The following HLCS variants were observed in gnomAD, a reference collection of about 807,000 sequenced individuals.
HLCS encodes biotin--protein ligase.
In HLCS, 53 loss-of-function variants were observed where a neutral mutation model predicts 75.0. The ratio of observed to expected loss-of-function variants is 0.71; its 90% CI spans 0.57 to 0.89. The LOEUF is 0.89. Ranked by LOEUF, HLCS falls within the 40% of genes least tolerant of loss-of-function variation. The probability of loss-of-function intolerance (pLI) is 0.00; values close to 1 mark genes in which losing one functional copy is unlikely to be tolerated. For missense variants in HLCS, 966 were observed against 1,074.0 expected (o/e 0.90, Z 1.41); for synonymous variants, 431 against 428.6 (o/e 1.01, Z -0.07).
chr21:36,757,646 C>T (rs536294409), intron 9 of HLCS, among the ~76,000 whole-genome samples: 67 of 152,324 alleles, frequency 4.4e-4, no homozygotes, highest in Admixed American at 3.5e-3. Flanking sequence ...ACAGCCTTCC[C>T]GGCAAGTGTC....
chr21:36,813,525 C>G (rs527936119), intron 6 of HLCS, among the ~76,000 whole-genome samples: 1 of 152,154 alleles, frequency 6.6e-6, no homozygotes, highest in Non-Finnish European at 1.5e-5. Flanking sequence ...GTTAAAAGTA[C>G]TGAGAGATTT....
chr21:36,980,302 G>A lies in HLCS; in HGVS notation c.-393+9856C>T, dbSNP rs2069081793. On this transcript the variant is annotated intron_variant, in intron 1 of 11. Transcript: ENST00000336648. The stretch of plus-strand genomic sequence containing the variant: ...AGAGAATTAGCCCGTTTCCAGAAGA[G>A]GCCAAGAACAGATGATACAGCTGAA... 3 of 152,080 alleles carry A rather than the reference G, an allele frequency of 2.0e-5. No individual in the cohort carries two copies. The South Asian group carries it at 6.2e-4, about 31-fold the overall frequency. The allele number at this position is 152,080 out of a possible 1,614,324, so 9.4% of individuals were successfully genotyped here. A position where few individuals can be genotyped will look rare whatever the true frequency, so the allele number is the denominator to read the frequency against.
intron 6 of HLCS, among the ~76,000 whole-genome samples, chr21:36,869,290 A>C (rs1271985953): frequency 1.3e-5 from 2 of 151,836 alleles, no homozygotes; most frequent in Non-Finnish European, 2.9e-5. Context: ...ACGCCCGGCT[A>C]ATCTTCTAAT....
intron 6 of HLCS, among the ~76,000 whole-genome samples, chr21:36,866,444 G>A (rs56054932): frequency 6.6e-6 from 1 of 152,316 alleles, no homozygotes; most frequent in Non-Finnish European, 1.5e-5. Flanking sequence ...TGGCGTAAAA[G>A]ACTGGTGTAA....
Position 36,750,854 on chromosome 21 carries a change from CAAAAG to C in HLCS, c.*3387_*3391del, listed in dbSNP as rs1445035284. 5.3e-5 allele frequency: 8 copies of C among 151,462 alleles called. No individual in the cohort carries two copies. Among genetic ancestry groups the C allele is most frequent in the African/African-American group, 1.2e-4 (5 of 41,242 alleles). The allele number at this position is 151,462 out of a possible 1,614,324, so 9.4% of individuals were successfully genotyped here. A position where few individuals can be genotyped will look rare whatever the true frequency, so the allele number is the denominator to read the frequency against. On this transcript the variant is annotated 3_prime_UTR_variant, in exon 11 of 11. Transcript: ENST00000674895. Reference sequence around the variant, plus strand: ...GAAAAGTCAAGTCAAGAAGTTTCCACAAAAGAAAAGAAAAATCCTAAAAACAATCT... The same window carrying C: ...GAAAAGTCAAGTCAAGAAGTTTCCACAAAAGAAAAATCCTAAAAACAATCT...
chr21:36,848,464 T>C (rs1179335164), intron 6 of HLCS, among the ~76,000 whole-genome samples: 1 of 151,946 alleles, frequency 6.6e-6, no homozygotes, highest in African/African-American at 2.4e-5. Context: ...AGAGGGGATT[T>C]TACCATGTTG....
At chr21:36,796,670 C>T (rs982363237) in intron 6 of HLCS, among the ~76,000 whole-genome samples, 4 of 152,136 alleles carry the variant, frequency 2.6e-5, no homozygotes, top group Non-Finnish European at 5.9e-5. Flanking sequence ...GGGCCACTAA[C>T]AAAGAAGGAA....
At chr21:36,864,124 G>A (rs960194649) in intron 6 of HLCS, among the ~76,000 whole-genome samples, 1 of 152,218 alleles carries the variant, frequency 6.6e-6, no homozygotes, top group African/African-American at 2.4e-5. Context: ...AACAGGCTGG[G>A]TTTCGTGGCT....
At chr21:36,833,179 C>T (rs529738011) in intron 6 of HLCS, among the ~76,000 whole-genome samples, 160 of 151,644 alleles carry the variant, frequency 1.1e-3, no homozygotes, top group Non-Finnish European at 1.5e-3. Flanking sequence ...TGCCACCATG[C>T]CTAGCTAAAT....
At chr21:36,965,204 T>C (rs1428462210) in intron 1 of HLCS, among the ~76,000 whole-genome samples, 2 of 152,228 alleles carry the variant, frequency 1.3e-5, no homozygotes, top group East Asian at 1.9e-4. Flanking sequence ...TGAGATAAGA[T>C]TCAATTCCCC....
At chr21:36,814,380 C>T (rs2061599286) in intron 6 of HLCS, among the ~76,000 whole-genome samples, 1 of 152,152 alleles carries the variant, frequency 6.6e-6, no homozygotes, top group Non-Finnish European at 1.5e-5. Context: ...TACAGAATGC[C>T]CATTTAAATG....
intron 9 of HLCS, among the ~76,000 whole-genome samples, chr21:36,758,798 T>C (rs1470785533): frequency 2.0e-5 from 3 of 152,024 alleles, no homozygotes; most frequent in South Asian, 2.1e-4. Flanking sequence ...CTGGCCAACA[T>C]AGTGAAACCC....
At chr21:36,917,239 A>G (rs1180269734) in intron 5 of HLCS, among the ~76,000 whole-genome samples, 1 of 152,214 alleles carries the variant, frequency 6.6e-6, no homozygotes, top group African/African-American at 2.4e-5. Flanking sequence ...AGCCTTCATA[A>G]AGAATCAAAA....
intron 7 of HLCS, among the ~76,000 whole-genome samples, chr21:36,765,563 G>C (rs2145770087): frequency 6.6e-6 from 1 of 152,330 alleles, no homozygotes; most frequent in South Asian, 2.1e-4. Context: ...CCACTGTTTA[G>C]AAGCAATTCC....
At position 36,928,904 on chromosome 21, in the gene HLCS, C is replaced by T. The variant is rs558880845; in HGVS notation, c.1620+1347G>A. Among the ~76,000 whole-genome samples, 7 of 152,276 alleles carry T rather than the reference C, an allele frequency of 4.6e-5. No homozygotes were observed. The South Asian group carries it at 1.5e-3, about 32-fold the overall frequency. On this transcript the variant is annotated intron_variant, in intron 5 of 10. Coordinates refer to ENST00000674895, the MANE Select transcript of HLCS (RefSeq NM_001352514.2). ...GTTTGTGAAAGGGGAAATCAATACT[C>T]CCTCAATTGATCAATGAACAGGTGA...
intron 6 of HLCS, among the ~76,000 whole-genome samples, chr21:36,768,340 G>A (rs1470892280): frequency 1.3e-5 from 2 of 152,180 alleles, no homozygotes; most frequent in African/African-American, 4.8e-5. Context: ...GTCCTGCTGA[G>A]GACAAAGGAG....
intron 1 of HLCS, among the ~76,000 whole-genome samples, chr21:36,978,684 G>A (rs1177018278): frequency 6.6e-6 from 1 of 152,122 alleles, no homozygotes; most frequent in East Asian, 1.9e-4. Flanking sequence ...AGAAGAGTGC[G>A]AAGCTGGCAG....
At chr21:36,796,070 C>T (rs751270346) in intron 6 of HLCS, among the ~76,000 whole-genome samples, 5 of 152,134 alleles carry the variant, frequency 3.3e-5, no homozygotes, top group African/African-American at 4.8e-5. Context: ...TTATGTCCCA[C>T]GAATTAGAAA....
intron 6 of HLCS, among the ~76,000 whole-genome samples, chr21:36,883,849 A>T (rs2064333358): frequency 6.6e-6 from 1 of 152,184 alleles, no homozygotes; most frequent in South Asian, 2.1e-4. Context: ...ACAACGGATG[A>T]ACAAATGCAC....
Sources: gnomAD v4.1 joint callset for allele counts (sites outside exome capture counted in the v4.1 genomes callset) on GRCh38, gnomAD v4.1.1 for gene constraint, MANE v1.5 for transcripts, NCBI Gene and HGNC (gene_info 2026-07-23, HGNC 2026-07-21) for gene names.